The following TGFBR1 variants were observed in gnomAD, a reference collection of about 807,000 sequenced individuals.
TGFBR1 encodes TGF-beta receptor type-1.
Under a neutral mutation model 55.1 loss-of-function variants are expected in TGFBR1, and 20 were observed. The observed-to-expected ratio is 0.36, with a 90% confidence interval of 0.26 to 0.53. TGFBR1 has a LOEUF of 0.53. TGFBR1 is among the 20% of genes least tolerant of loss of function. The pLI is 0.91. For missense variants in TGFBR1, 385 were observed against 617.6 expected, an observed-to-expected ratio of 0.62 and a Z score of 3.99; for synonymous variants, 220 against 214.8, an observed-to-expected ratio of 1.02 and a Z score of -0.21.
rs751679796 is a variant in TGFBR1 at position 99,132,628 on chromosome 9, C to G, written c.463C>G (p.His155Asp). 12 of 1,614,048 alleles carry G rather than the reference C, an allele frequency of 7.4e-6. No individual in the cohort carries two copies. Among genetic ancestry groups the G allele is most frequent in the Non-Finnish European group, 8.5e-6 (10 of 1,180,030 alleles). ...VYICHNRTVI[H>D]HRVPNEEDPS... is the part of the protein sequence containing the mutation. ...TATCTGCCACAACCGCACTGTCATTCACCATCGAGTGCCAAATGAAGAGGA... is the reference window on the plus strand; with the variant it reads ...TATCTGCCACAACCGCACTGTCATTGACCATCGAGTGCCAAATGAAGAGGA... Residue 155 changes from histidine (H) to aspartate (D), a missense_variant, in exon 3 of 9, where the codon CAC becomes GAC. By Grantham distance (81) the His-to-Asp change is moderately conservative (BLOSUM62 -1). Around this residue, in one of 5 missense-constraint regions of TGFBR1, gnomAD observed 146 missense variants for 167.7 expected, o/e 0.87. Transcript: ENST00000374994.
In TGFBR1 at chr9:99,143,889, A is replaced by G. The variant is rs11466466; in HGVS notation, c.974-843A>G. On this transcript the variant is annotated intron_variant, in intron 5 of 8. Coordinates refer to ENST00000374994, the MANE Select transcript of TGFBR1 (RefSeq NM_004612.4). ...TGCTTATTCTGCACATTTTATATAA[A>G]TGAATCATACAATATGTGGTCTTTT... 1.2e-3 allele frequency among the ~76,000 whole-genome samples: 182 copies of G among 152,312 alleles called. 1 individual carries two copies. The highest frequency in any genetic ancestry group is 4.0e-3 in the African/African-American group (166 of 41,566).
chr9:99,127,682 C>T, intron 1 of TGFBR1: 1 of 330,684 alleles, frequency 3.0e-6, no homozygotes, highest in Non-Finnish European at 5.9e-6. Context: ...TCTGCCTAGC[C>T]ACTCCTTTTC....
At position 99,133,931 on chromosome 9, in the gene TGFBR1, G is replaced by C. The variant is rs541866335; in HGVS notation, c.574+1192G>C. On this transcript the variant is annotated intron_variant, in intron 3 of 8. Transcript: ENST00000374994. ...AGACAGGAGAATCACCTGAACCTGG[G>C]GGGTGGAGGTTGCAGTTAGCTGAGA... 3.3e-5 allele frequency among the ~76,000 whole-genome samples: 5 copies of C among 151,878 alleles called. No homozygotes were observed. The East Asian group carries it at 9.7e-4, about 29-fold the overall frequency.
intron 1 of TGFBR1, among the ~76,000 whole-genome samples, chr9:99,121,645 G>A (rs977389744): frequency 6.6e-6 from 1 of 152,116 alleles, no homozygotes; most frequent in South Asian, 2.1e-4. Context: ...GATGTGATCT[G>A]CTTTCAGCTG....
intron 1 of TGFBR1, among the ~76,000 whole-genome samples, chr9:99,108,111 T>C (rs548792886): frequency 6.6e-6 from 1 of 152,354 alleles, no homozygotes; most frequent in East Asian, 1.9e-4. Flanking sequence ...ACATAAATGC[T>C]TGTTGATTTC....
intron 1 of TGFBR1, among the ~76,000 whole-genome samples, chr9:99,120,199 G>A (rs949861978): frequency 6.6e-6 from 1 of 152,092 alleles, no homozygotes; most frequent in Non-Finnish European, 1.5e-5. Flanking sequence ...TGCCTGACTG[G>A]CAAAGATAGG....
In TGFBR1 at chr9:99,153,897, A is replaced by G. The variant is rs1363883285; in HGVS notation, c.*4592A>G. The G allele has an allele frequency of 4.7e-6, 1 of 213,750 alleles. No individual in the cohort carries two copies. Among genetic ancestry groups the G allele is most frequent in the Non-Finnish European group, 9.5e-6 (1 of 105,752 alleles). The allele number at this position is 213,750 out of a possible 1,614,324, so 13.2% of individuals were successfully genotyped here. ...TGGGTCTTCCATTGGGGCATGATGG[A>G]CCTGTCTACAGGTGATCTCTGTTGC... is the stretch of plus-strand genomic sequence containing the variant. On this transcript the variant is annotated 3_prime_UTR_variant, in exon 9 of 9. Transcript: ENST00000374994.
chr9:99,107,882 C>T (rs1244720812), intron 1 of TGFBR1, among the ~76,000 whole-genome samples: 1 of 152,130 alleles, frequency 6.6e-6, no homozygotes, highest in Non-Finnish European at 1.5e-5. Flanking sequence ...TTTGGGAGTG[C>T]GAGAAGTTCT....
chr9:99,105,127 T>C lies in TGFBR1; in HGVS notation c.-79T>C, dbSNP rs1307562466. 2 of 1,021,402 alleles carry C rather than the reference T, an allele frequency of 2.0e-6. No homozygotes were observed. Among genetic ancestry groups the C allele is most frequent in the African/African-American group, 1.8e-5 (1 of 55,682 alleles). 63.3% of individuals were successfully genotyped at this position (1,021,402 alleles called of 1,614,324 possible). Reference sequence around the variant, plus strand: ...GAGGCCGCCGCGGCGGCTAGGGAGGTGGGGCGAGGCGAGGTTTGCTGGGGT... The same window carrying C: ...GAGGCCGCCGCGGCGGCTAGGGAGGCGGGGCGAGGCGAGGTTTGCTGGGGT... On this transcript the variant is annotated 5_prime_UTR_variant, in exon 1 of 9. Transcript: ENST00000374994.
At chr9:99,144,928 C>T (rs1427723101) in intron 6 of TGFBR1, 40 bp downstream of exon 6, 6 of 1,605,608 alleles carry the variant, frequency 3.7e-6, no homozygotes, top group Non-Finnish European at 5.1e-6. Context: ...CTTCTGAAAT[C>T]ACCTTTTTTC....
upstream of TGFBR1, among the ~76,000 whole-genome samples, chr9:99,104,578 C>A (rs976368082): frequency 1.3e-5 from 2 of 151,876 alleles, no homozygotes; most frequent in East Asian, 3.9e-4. Flanking sequence ...GAAGTTGATG[C>A]GTGGACTTGG....
intron 2 of TGFBR1, among the ~76,000 whole-genome samples, chr9:99,131,164 TTATA>T: frequency 6.6e-6 from 1 of 152,068 alleles, no homozygotes; most frequent in African/African-American, 2.4e-5. Context: ...AATAAAAGAA[TTATA>T]TAAGCATTTA....
At chr9:99,110,926 C>T (rs1826549190) in intron 1 of TGFBR1, among the ~76,000 whole-genome samples, 1 of 151,710 alleles carries the variant, frequency 6.6e-6, no homozygotes, top group South Asian at 2.1e-4. Flanking sequence ...CACGTACGTC[C>T]ATGCTCCTTT....
rs77104714 is a variant in TGFBR1 at position 99,130,608 on chromosome 9, T to G, written c.343+1508T>G. Among the ~76,000 whole-genome samples, 9 of 152,372 alleles carry G rather than the reference T, an allele frequency of 5.9e-5. No homozygotes were observed. In the East Asian group the frequency reaches 1.7e-3, roughly 29 times the overall value. Reference sequence around the variant, plus strand: ...ACAAAACCTTGTGAAGAAGTCACCTTATTTCTCATGTTTCTAATGAACATA... The same window carrying G: ...ACAAAACCTTGTGAAGAAGTCACCTGATTTCTCATGTTTCTAATGAACATA... On this transcript the variant is annotated intron_variant, in intron 2 of 8. Coordinates refer to ENST00000374994, the MANE Select transcript of TGFBR1 (RefSeq NM_004612.4).
chr9:99,135,778 A>G (rs534608215), intron 3 of TGFBR1, among the ~76,000 whole-genome samples: 104 of 152,098 alleles, frequency 6.8e-4, no homozygotes, highest in Non-Finnish European at 1.1e-3. Flanking sequence ...TTCTAAAGGT[A>G]CAGAAGAGTA....
chr9:99,149,004 C>T (rs1827889952), intron 8 of TGFBR1, among the ~76,000 whole-genome samples, 176 bp from the exon 9 acceptor site: 1 of 152,170 alleles, frequency 6.6e-6, no homozygotes, highest in Non-Finnish European at 1.5e-5. Flanking sequence ...AGCACTGGCA[C>T]CAGTACCCTA....
At chr9:99,128,595 T>C in intron 1 of TGFBR1, 4 of 565,286 alleles carry the variant, frequency 7.1e-6, no homozygotes, top group Middle Eastern at 2.7e-4. Flanking sequence ...AATTTTTCTA[T>C]ACTTGGAAGC....
chr9:99,123,887 A>G (rs1250920439), intron 1 of TGFBR1, among the ~76,000 whole-genome samples: 1 of 152,168 alleles, frequency 6.6e-6, no homozygotes, highest in Non-Finnish European at 1.5e-5. Flanking sequence ...ATAATCATTT[A>G]TGTTCGTTTC....
intron 1 of TGFBR1, among the ~76,000 whole-genome samples, chr9:99,124,990 G>A (rs1267444867): frequency 1.3e-5 from 2 of 151,646 alleles, no homozygotes; most frequent in Admixed American, 1.3e-4. Flanking sequence ...AACCAAATCT[G>A]CAAATTAAAT....
Sources: allele counts gnomAD v4.1 joint callset (sites outside exome capture counted in the v4.1 genomes callset), GRCh38; gene constraint gnomAD v4.1.1; regional missense constraint gnomAD v4.1.1; transcripts MANE v1.5; gene names NCBI Gene and HGNC (gene_info 2026-07-23, HGNC 2026-07-21).